The following SEMA6D variants were observed in gnomAD, a reference collection of about 807,000 sequenced individuals.
The protein encoded by SEMA6D is semaphorin-6D.
SEMA6D carries 35 observed loss-of-function variants against 106.6 expected under a neutral mutation model. That is an observed-to-expected ratio of 0.33 (90% CI 0.25 to 0.44). The LOEUF is 0.44. Ranked by LOEUF, SEMA6D falls within the 20% of genes least tolerant of loss-of-function variation. SEMA6D has a pLI of 1.00. For missense variants in SEMA6D, 1,185 were observed against 1,345.9 expected, an observed-to-expected ratio of 0.88 and a Z score of 1.87; for synonymous variants, 499 against 487.7, an observed-to-expected ratio of 1.02 and a Z score of -0.31.
chr15:47,317,619 G>C (rs2143479364), intron 1 of SEMA6D, among the ~76,000 whole-genome samples: 1 of 152,108 alleles, frequency 6.6e-6, no homozygotes, highest in South Asian at 2.1e-4. Context: ...AATTTTGCAG[G>C]GTACAGAATT....
chr15:47,769,619 A>C (rs576553204), intron 18 of SEMA6D, among the ~76,000 whole-genome samples: 10 of 152,290 alleles, frequency 6.6e-5, no homozygotes, highest in Admixed American at 5.2e-4. Context: ...CAGAATCTTC[A>C]AAATCACTCT....
intron 1 of SEMA6D, among the ~76,000 whole-genome samples, chr15:47,204,433 A>G (rs547020349): frequency 6.6e-6 from 1 of 152,166 alleles, no homozygotes; most frequent in Admixed American, 6.6e-5. Flanking sequence ...AATTGAGGTT[A>G]TATCTTCATA....
At chr15:47,595,827 C>G (rs2076525210) in intron 3 of SEMA6D, among the ~76,000 whole-genome samples, 1 of 151,718 alleles carries the variant, frequency 6.6e-6, no homozygotes. Context: ...TATGGTTTGC[C>G]CATTTCTTCT....
chr15:47,622,795 C>T (rs1458555026), intron 4 of SEMA6D, among the ~76,000 whole-genome samples: 1 of 152,092 alleles, frequency 6.6e-6, no homozygotes, highest in African/African-American at 2.4e-5. Context: ...CTTTCAAAGG[C>T]GTGCAGGGGT....
intron 1 of SEMA6D, among the ~76,000 whole-genome samples, chr15:47,249,435 C>A (rs2033383903): frequency 6.8e-6 from 1 of 146,616 alleles, no homozygotes; most frequent in South Asian, 2.3e-4. Context: ...AACCTGAAAA[C>A]AAAATCATGT....
chr15:47,671,758 G>A (rs1362745435), intron 4 of SEMA6D, among the ~76,000 whole-genome samples: 3 of 152,084 alleles, frequency 2.0e-5, no homozygotes, highest in African/African-American at 4.8e-5. Context: ...GCAATAAAAC[G>A]GAATTGAAGA....
chr15:47,592,361 C>G (rs1337554559), intron 3 of SEMA6D, among the ~76,000 whole-genome samples: 1 of 152,112 alleles, frequency 6.6e-6, no homozygotes, highest in African/African-American at 2.4e-5. Flanking sequence ...AGTGGGGAAA[C>G]AGTACCTAAC....
At chr15:47,283,579 T>G (rs766731153) in intron 1 of SEMA6D, among the ~76,000 whole-genome samples, 2 of 152,292 alleles carry the variant, frequency 1.3e-5, no homozygotes, top group Non-Finnish European at 2.9e-5. Flanking sequence ...TGAGGAACAC[T>G]TGAGACTTTT....
intron 1 of SEMA6D, among the ~76,000 whole-genome samples, chr15:47,345,157 G>T (rs957384726): frequency 1.3e-5 from 2 of 152,052 alleles, no homozygotes; most frequent in Admixed American, 6.5e-5. Context: ...ATATTAATCT[G>T]TACGGTCAAC....
chr15:47,285,008 C>T (rs896656260), intron 1 of SEMA6D, among the ~76,000 whole-genome samples: 5 of 152,162 alleles, frequency 3.3e-5, no homozygotes, highest in Non-Finnish European at 7.3e-5. Context: ...AGGTGAGCTC[C>T]ATGACTCCTA....
At chr15:47,740,578 C>T (rs1363509088) in intron 1 of SEMA6D, among the ~76,000 whole-genome samples, 1 of 151,974 alleles carries the variant, frequency 6.6e-6, no homozygotes, top group Non-Finnish European at 1.5e-5. Context: ...AGAGACTTGC[C>T]CTCTGATATA....
At chr15:47,730,063 G>T (rs1037347000) in intron 1 of SEMA6D, 8 of 665,446 alleles carry the variant, frequency 1.2e-5, no homozygotes, top group African/African-American at 2.0e-5. Context: ...TTTTATTTTA[G>T]TTTAGTTTAG....
At chr15:47,237,594 C>T (rs1475143266) in intron 1 of SEMA6D, among the ~76,000 whole-genome samples, 1 of 151,754 alleles carries the variant, frequency 6.6e-6, no homozygotes, top group Non-Finnish European at 1.5e-5. Flanking sequence ...TCTGGGTCCT[C>T]CTCTATTAAA....
rs1401767590 is a variant in SEMA6D at position 47,746,984 on chromosome 15, G to GTGTA, written c.-54-12760_-54-12759insGTAT. On this transcript the variant is annotated intron_variant, in intron 1 of 18. Transcript: ENST00000536845. ...ACAGTCTCCTGCTGTGTGTGTGTGT[G>GTGTA]TATATATATATATATATATTTCGAT... 7.9e-3 allele frequency among the ~76,000 whole-genome samples: 963 copies of GTGTA among 122,098 alleles called. 16 individuals carry two copies. Among genetic ancestry groups the GTGTA allele is most frequent in the African/African-American group, 0.024 (898 of 37,528 alleles). The allele number at this position is 122,098 out of a possible 152,430, so 80.1% of individuals were successfully genotyped here. A position where few individuals can be genotyped will look rare whatever the true frequency, so the allele number is the denominator to read the frequency against.
At chr15:47,263,081 A>G (rs1461869461) in intron 1 of SEMA6D, among the ~76,000 whole-genome samples, 1 of 152,160 alleles carries the variant, frequency 6.6e-6, no homozygotes, top group African/African-American at 2.4e-5. Context: ...TAAAACCCAA[A>G]ACTATAAAAA....
At chr15:47,494,496 A>G (rs2043574276) in intron 3 of SEMA6D, among the ~76,000 whole-genome samples, 1 of 151,678 alleles carries the variant, frequency 6.6e-6, no homozygotes, top group Admixed American at 6.6e-5. Context: ...TCTGTACTGA[A>G]ATTCAGGCTT....
At position 47,581,361 on chromosome 15, in the gene SEMA6D, A is replaced by C. The variant is rs749621545; in HGVS notation, c.-86-19504A>C. 18 of 493,478 alleles carry C rather than the reference A, an allele frequency of 3.6e-5. No individual in the cohort carries two copies. The East Asian group carries it at 1.2e-3, about 34-fold the overall frequency. 30.6% of individuals were successfully genotyped at this position (493,478 alleles called of 1,614,324 possible). ...CCTTATGGCAGAACTACATATAAAC[A>C]AGCAAACTGCCAAATAAACAAGATA... On this transcript the variant is annotated intron_variant, in intron 3 of 19. Coordinates refer to the SEMA6D transcript ENST00000558014.
chr15:47,593,779 C>A (rs2076485584), intron 3 of SEMA6D, among the ~76,000 whole-genome samples: 1 of 152,008 alleles, frequency 6.6e-6, no homozygotes, highest in Admixed American at 6.6e-5. Flanking sequence ...ATAATCATGG[C>A]GGAAGGGGGA....
chr15:47,629,351 T>C (rs1398443571), intron 4 of SEMA6D, among the ~76,000 whole-genome samples: 1 of 152,004 alleles, frequency 6.6e-6, no homozygotes. Context: ...ATGAAACCAA[T>C]AGGTCAATTT....
Sources: allele counts gnomAD v4.1 joint callset (sites outside exome capture counted in the v4.1 genomes callset), GRCh38; gene constraint gnomAD v4.1.1; transcripts MANE v1.5; gene names NCBI Gene and HGNC (gene_info 2026-07-23, HGNC 2026-07-21).